CYP27C1: variants seen among roughly 807,000 people sequenced by gnomAD.
CYP27C1 encodes cytochrome P450 27C1.
CYP27C1 carries 29 observed loss-of-function variants against 40.6 expected under a neutral mutation model. The observed-to-expected ratio is 0.71, with a 90% CI of 0.53 to 0.97. The LOEUF is 0.97. CYP27C1 is among the 50% of genes least tolerant of loss of function. The pLI is 0.00. For synonymous variants in CYP27C1, 198 were observed against 186.8 expected (o/e 1.06, Z -0.49); for missense variants, 390 against 485.8 (o/e 0.80, Z 1.85).
rs141498373 is a variant in CYP27C1, at chr2:127,186,451, G to T, written c.*820C>A. 416 of 151,818 alleles carry T rather than the reference G, an allele frequency of 2.7e-3. 2 individuals are homozygous for T. The highest frequency in any genetic ancestry group is 9.6e-3 in the African/African-American group (396 of 41,328). The allele number at this position is 151,818 out of a possible 1,614,324, so 9.4% of individuals were successfully genotyped here. ...CTCACTCTGTCACCCAGGCTGAAGT[G>T]CAGTGGTGCCATCATAGATAGCTCA... On this transcript the variant is annotated 3_prime_UTR_variant, in exon 9 of 9. Coordinates refer to ENST00000664447, the MANE Select transcript of CYP27C1 (RefSeq NM_001367502.1). This position sits in a 1 kb window ranked among gnomAD's most constrained non-coding sequence, Gnocchi z 4.5.
chr2:127,207,329 T>C (rs1234153810), intron 1 of CYP27C1, among the ~76,000 whole-genome samples: 2 of 152,148 alleles, frequency 1.3e-5, no homozygotes, highest in African/African-American at 4.8e-5. Flanking sequence ...ACCCCATTTC[T>C]ACTAAAAACA....
chr2:127,195,573 G>A lies in CYP27C1; in HGVS notation c.1048-72C>T, dbSNP rs1186811966. On this transcript the variant is annotated intron_variant, in intron 5 of 8. Transcript: ENST00000664447. The surrounding 1 kb of genome is among the most constrained non-coding windows in gnomAD (Gnocchi z 6.2). ...GGGACTGAAACAGAGGCGGTGGCAGGTAGGAAGTCCCCTGGGAATACACAC... is the reference window on the plus strand; with the variant it reads ...GGGACTGAAACAGAGGCGGTGGCAGATAGGAAGTCCCCTGGGAATACACAC... 16 of 1,512,960 alleles carry A rather than the reference G, an allele frequency of 1.1e-5. No homozygotes were observed. Among genetic ancestry groups the A allele is most frequent in the Middle Eastern group, 2.0e-4 (1 of 4,888 alleles). The allele number at this position is 1,512,960 out of a possible 1,614,324, so 93.7% of individuals were successfully genotyped here.
Position 127,201,495 on chromosome 2 carries a change from G to A in CYP27C1, c.674-164C>T, listed in dbSNP as rs946775937. Among the ~76,000 whole-genome samples, 9 of 152,184 alleles carry A rather than the reference G, an allele frequency of 5.9e-5. No individual in the cohort carries two copies. Among genetic ancestry groups the A allele is most frequent in the African/African-American group, 2.2e-4 (9 of 41,454 alleles). On this transcript the variant is annotated intron_variant, in intron 3 of 8. Transcript: ENST00000664447. The surrounding 1 kb of genome is among the most constrained non-coding windows in gnomAD (Gnocchi z 6.0). Reference sequence around the variant, plus strand: ...CTGCATCCTGAACTGCAGGGTGCTGGCATTTAGGGCTGACAGGTGGTGCTG... The same window carrying A: ...CTGCATCCTGAACTGCAGGGTGCTGACATTTAGGGCTGACAGGTGGTGCTG...
At chr2:127,190,319 T>G (rs1284600288) in intron 8 of CYP27C1, among the ~76,000 whole-genome samples, 1 of 150,408 alleles carries the variant, frequency 6.6e-6, no homozygotes, top group Non-Finnish European at 1.5e-5. Flanking sequence ...CCTGGTACTA[T>G]TTGTGGCTTC....
intron 2 of CYP27C1, 135 bp from the exon 3 acceptor site, chr2:127,203,706 A>C: frequency 2.3e-6 from 2 of 871,378 alleles, no homozygotes; most frequent in Non-Finnish European, 3.4e-6. Context: ...TTAAGACAGG[A>C]AAGACTTTTT....
rs371826841 is a variant in CYP27C1, at chr2:127,211,369, G to GTTTTTTTTTT, written c.283-5289_283-5280dup. Among the ~76,000 whole-genome samples the GTTTTTTTTTT allele has an allele frequency of 5.0e-3, 472 of 94,876 alleles. 10 individuals carry two copies. The highest frequency in any genetic ancestry group is 6.3e-3 in the Non-Finnish European group (305 of 48,056). The allele number at this position is 94,876 out of a possible 152,430, so 62.2% of individuals were successfully genotyped here. A position where few individuals can be genotyped will look rare whatever the true frequency, so the allele number is the denominator to read the frequency against. ...GATACAGCTAAAGCAGTGTTTTTTT[G>GTTTTTTTTTT]TTTTTTTTTTTTTTTTTTTTTTTTT... On this transcript the variant is annotated intron_variant, in intron 1 of 8. Coordinates refer to ENST00000664447, the MANE Select transcript of CYP27C1 (RefSeq NM_001367502.1).
intron 1 of CYP27C1, among the ~76,000 whole-genome samples, chr2:127,207,077 T>G (rs1250385628): frequency 6.6e-6 from 1 of 152,222 alleles, no homozygotes; most frequent in Non-Finnish European, 1.5e-5. Flanking sequence ...ATACAATACT[T>G]GACCAGCTGC....
At chr2:127,202,227 C>T (rs1250696913) in intron 3 of CYP27C1, among the ~76,000 whole-genome samples, 1 of 151,732 alleles carries the variant, frequency 6.6e-6, no homozygotes, top group Non-Finnish European at 1.5e-5. Flanking sequence ...CTAGTTCAAG[C>T]GATTCTCCTG....
In CYP27C1 at chr2:127,185,783, G is replaced by A. The variant is rs1465917221; in HGVS notation, c.*1488C>T. ...AGTAAGAAAGTAATTTTTGGAGAAG[G>A]ATTATGTAAAAGGAATTACAGAATT... is the stretch of plus-strand genomic sequence containing the variant. On this transcript the variant is annotated 3_prime_UTR_variant, in exon 9 of 9. Coordinates refer to ENST00000664447, the MANE Select transcript of CYP27C1 (RefSeq NM_001367502.1). This position sits in a 1 kb window ranked among gnomAD's most constrained non-coding sequence, Gnocchi z 4.9. 6.6e-6 allele frequency: 1 copy of A among 152,196 alleles called. No homozygotes were observed. The highest frequency in any genetic ancestry group is 1.5e-5 in the Non-Finnish European group (1 of 68,028). 9.4% of individuals were successfully genotyped at this position (152,196 alleles called of 1,614,324 possible).
intron 1 of CYP27C1, among the ~76,000 whole-genome samples, 53 bp from the exon 2 acceptor site, chr2:127,206,143 C>T (rs1034853329): frequency 2.0e-5 from 3 of 152,198 alleles, no homozygotes; most frequent in African/African-American, 7.2e-5. Context: ...ATATGATATA[C>T]CTTTAACATA....
Position 127,185,019 on chromosome 2 carries a change from G to C in CYP27C1, c.*2252C>G, listed in dbSNP as rs1489031120. ...GATTTTTAGTAGACAGGATCTCACT[G>C]TGTTGCCCAAGCTTGTCTCAAACTC... On this transcript the variant is annotated 3_prime_UTR_variant, in exon 9 of 9. Transcript: ENST00000664447. The surrounding 1 kb of genome is among the most constrained non-coding windows in gnomAD (Gnocchi z 4.9). The C allele has an allele frequency of 6.6e-6, 1 of 152,306 alleles. No individual in the cohort carries two copies. The highest frequency in any genetic ancestry group is 6.6e-5 in the Admixed American group (1 of 15,262). The allele number at this position is 152,306 out of a possible 1,614,324, so 9.4% of individuals were successfully genotyped here.
chr2:127,207,526 G>A (rs971026936), intron 1 of CYP27C1, among the ~76,000 whole-genome samples: 3 of 151,896 alleles, frequency 2.0e-5, no homozygotes, highest in Non-Finnish European at 4.4e-5. Context: ...AAAAATTAGC[G>A]AGGCATGGCA....
chr2:127,199,600 C>CA, intron 4 of CYP27C1, 61 bp from the exon 5 acceptor site: 1 of 1,512,864 alleles, frequency 6.6e-7, no homozygotes, highest in East Asian at 2.4e-5. Flanking sequence ...TTTTCAGTCT[C>CA]AAAGCCCTCT....
At chr2:127,193,749 G>A (rs373329909) in intron 7 of CYP27C1, 40 bp downstream of exon 7, 58 of 1,609,784 alleles carry the variant, frequency 3.6e-5, no homozygotes, top group African/African-American at 5.3e-5. Context: ...ATTCAACCCC[G>A]ACCCGCAAGG....
intron 2 of CYP27C1, among the ~76,000 whole-genome samples, chr2:127,205,039 C>G (rs1361076113): frequency 6.6e-6 from 1 of 152,186 alleles, no homozygotes; most frequent in Non-Finnish European, 1.5e-5. Flanking sequence ...GTGCTGAAGT[C>G]ACCAGCACCG....
At chr2:127,191,656 G>A (rs1682777699) in intron 8 of CYP27C1, among the ~76,000 whole-genome samples, 1 of 152,230 alleles carries the variant, frequency 6.6e-6, no homozygotes, top group Non-Finnish European at 1.5e-5. Flanking sequence ...ACACCTATCA[G>A]GCAGGGATTT....
At chr2:127,197,418 T>C (rs933682987) in intron 5 of CYP27C1, among the ~76,000 whole-genome samples, 3 of 152,188 alleles carry the variant, frequency 2.0e-5, no homozygotes, top group African/African-American at 7.2e-5. Context: ...TTTTTGCCCC[T>C]TTAAGATGTA....
At chr2:127,215,077 T>C (rs991431858) in intron 1 of CYP27C1, among the ~76,000 whole-genome samples, 5 of 146,914 alleles carry the variant, frequency 3.4e-5, no homozygotes, top group Admixed American at 2.1e-4. Context: ...TGCAGTGAGC[T>C]GAGATCGCAC....
At chr2:127,190,677 T>C (rs891918535) in intron 8 of CYP27C1, among the ~76,000 whole-genome samples, 9 of 147,262 alleles carry the variant, frequency 6.1e-5, no homozygotes, top group Non-Finnish European at 1.2e-4. Flanking sequence ...CCAAGCGTGC[T>C]GGCTCACACC....
Sources: allele counts gnomAD v4.1 joint callset (sites outside exome capture counted in the v4.1 genomes callset), GRCh38; gene constraint gnomAD v4.1.1; non-coding constraint Gnocchi (gnomAD v3.1); transcripts MANE v1.5; gene names NCBI Gene and HGNC (gene_info 2026-07-23, HGNC 2026-07-21).